Variants in ARSJ observed in about 807,000 individuals in gnomAD.
ARSJ encodes the protein arylsulfatase family member J, also known as arylsulfatase J.
A neutral mutation model predicts 35.9 loss-of-function variants in ARSJ; 26 were observed. The observed-to-expected ratio is 0.72, with a 90% CI of 0.53 to 1.00. ARSJ has a LOEUF of 1.00. Ranked by LOEUF, ARSJ falls within the 50% of genes least tolerant of loss-of-function variation. The probability of loss-of-function intolerance (pLI) is 0.00; values close to 1 mark genes in which losing one functional copy is unlikely to be tolerated. For missense variants in ARSJ, 667 were observed against 723.6 expected, an observed-to-expected ratio of 0.92 and a Z score of 0.90; for synonymous variants, 294 against 267.6, an observed-to-expected ratio of 1.10 and a Z score of -0.96.
At chr4:113,964,628 A>G (rs1726775539) in intron 1 of ARSJ, among the ~76,000 whole-genome samples, 2 of 152,112 alleles carry the variant, frequency 1.3e-5, no homozygotes, top group African/African-American at 2.4e-5. Context: ...AGTCATATGC[A>G]TATAGCAGGT....
intron 1 of ARSJ, chr4:113,971,077 A>G (rs191371277): frequency 3.3e-5 from 5 of 152,222 alleles, no homozygotes; most frequent in Non-Finnish European, 5.9e-5. Flanking sequence ...AAATGCCTCA[A>G]TGAGGTAACA....
At chr4:113,963,907 G>A (rs1191002380) in intron 1 of ARSJ, among the ~76,000 whole-genome samples, 1 of 151,988 alleles carries the variant, frequency 6.6e-6, no homozygotes, top group Non-Finnish European at 1.5e-5. Flanking sequence ...CTACATCATG[G>A]GTTTGAGGTG....
chr4:113,906,442 C>T (rs890747601), intron 1 of ARSJ, among the ~76,000 whole-genome samples: 3 of 152,318 alleles, frequency 2.0e-5, no homozygotes, highest in African/African-American at 7.2e-5. Flanking sequence ...TTCAGAGCTA[C>T]TAATCAACTA....
At chr4:113,945,575 T>C (rs1725426156) in intron 1 of ARSJ, among the ~76,000 whole-genome samples, 1 of 152,118 alleles carries the variant, frequency 6.6e-6, no homozygotes, top group South Asian at 2.1e-4. Flanking sequence ...GAATTGATCC[T>C]AAGACATTCA....
intron 1 of ARSJ, among the ~76,000 whole-genome samples, chr4:113,943,085 C>G (rs766184): frequency 0.5 from 75,376 of 151,902 alleles, 18,974 homozygotes; most frequent in African/African-American, 0.57. Flanking sequence ...TTTGGCCAAA[C>G]TACATCACTG....
At chr4:113,909,828 C>A (rs2149251157) in intron 1 of ARSJ, among the ~76,000 whole-genome samples, 1 of 152,260 alleles carries the variant, frequency 6.6e-6, no homozygotes, top group Admixed American at 6.5e-5. Context: ...GAGTCAAAGA[C>A]TACTGCTCAA....
intron 1 of ARSJ, among the ~76,000 whole-genome samples, chr4:113,930,116 G>C (rs558114294): frequency 6.6e-6 from 1 of 152,054 alleles, no homozygotes; most frequent in African/African-American, 2.4e-5. Context: ...AACCATCCCT[G>C]GTACCCAAAT....
intron 1 of ARSJ, among the ~76,000 whole-genome samples, chr4:113,927,382 T>A (rs1293640100): frequency 2.6e-5 from 4 of 152,198 alleles, no homozygotes; most frequent in Non-Finnish European, 5.9e-5. Context: ...TTGCTACCTC[T>A]TGTTCACTGG....
rs548369775 is a variant in ARSJ, at chr4:113,911,126, CAA to C, written c.399-7453_399-7452del. ...TCCAGGTGAAGAGTTGAAGGGAAGA[CAA>C]AGTGTTTCAGTGAGAGAAGCAGAAT... On this transcript the variant is annotated intron_variant, in intron 1 of 1. Transcript: ENST00000315366. Among the ~76,000 whole-genome samples, 296 of 152,214 alleles carry C rather than the reference CAA, an allele frequency of 1.9e-3. 2 individuals are homozygous for C. Among genetic ancestry groups the C allele is most frequent in the South Asian group, 8.9e-3 (43 of 4,824 alleles).
intron 1 of ARSJ, among the ~76,000 whole-genome samples, chr4:113,973,297 G>A (rs1394738468): frequency 6.6e-6 from 1 of 152,042 alleles, no homozygotes; most frequent in African/African-American, 2.4e-5. Context: ...TATTATCTAT[G>A]TTTTCAACTT....
intron 1 of ARSJ, among the ~76,000 whole-genome samples, chr4:113,926,079 T>C (rs1361316514): frequency 2.6e-5 from 4 of 152,146 alleles, no homozygotes; most frequent in Non-Finnish European, 4.4e-5. Context: ...GAATGGGCCA[T>C]CCTATCCCTT....
chr4:113,971,272 C>A (rs901011582), intron 1 of ARSJ, among the ~76,000 whole-genome samples: 1 of 152,058 alleles, frequency 6.6e-6, no homozygotes, highest in Non-Finnish European at 1.5e-5. Context: ...AAGGCAGGGG[C>A]CCTAGGTCTT....
At chr4:113,943,412 A>G (rs1429600958) in intron 1 of ARSJ, 1 of 152,084 alleles carries the variant, frequency 6.6e-6, no homozygotes, top group Non-Finnish European at 1.5e-5. Context: ...CCAACTGAGC[A>G]GAATTCCTCT....
In ARSJ at chr4:113,978,575, C is replaced by G; in HGVS notation, c.260G>C (p.Gly87Ala). The G allele has an allele frequency of 8.7e-6, 14 of 1,614,228 alleles. No individual in the cohort carries two copies. Among genetic ancestry groups the G allele is most frequent in the Non-Finnish European group, 9.3e-6 (11 of 1,180,036 alleles). The change falls in exon 1 of 2, where the codon GGA (glycine) becomes GCA (alanine). Residue 87 changes from glycine (G) to alanine (A), a missense_variant. Physicochemically the swap from Gly to Ala is moderately conservative, Grantham distance 60 (BLOSUM62 0). Transcript: ENST00000315366. ...TCCGTGGTAACCCACATCTCTAAAT[C>G]CCTGATCATCCGCTAGGATGAAAAT... The part of the protein sequence containing the change: ...HLIFILADDQ[G>A]FRDVGYHGSE...
chr4:113,934,553 G>A (rs763521898), intron 1 of ARSJ, among the ~76,000 whole-genome samples: 3 of 151,762 alleles, frequency 2.0e-5, no homozygotes, highest in Non-Finnish European at 4.4e-5. Flanking sequence ...TGAGATTGAA[G>A]TAGATTGGTG....
In ARSJ at chr4:113,935,963, T is replaced by C. The variant is rs137910510; in HGVS notation, c.399-32288A>G. 2.2e-3 allele frequency among the ~76,000 whole-genome samples: 329 copies of C among 152,102 alleles called. 3 individuals are homozygous for C. Among genetic ancestry groups the C allele is most frequent in the Non-Finnish European group, 1.2e-4 (8 of 67,918 alleles). On this transcript the variant is annotated intron_variant, in intron 1 of 1. Transcript: ENST00000315366. ...TTCAACAAATAAATGTATAAATATA[T>C]GCAGAAGTGAAGGTTGAATGTTAAA...
intron 1 of ARSJ, chr4:113,906,829 C>A: frequency 2.3e-6 from 1 of 435,074 alleles, no homozygotes; most frequent in Non-Finnish European, 4.6e-6. Flanking sequence ...TATATTTATT[C>A]AGCGATAGCT....
At chr4:113,930,387 C>T (rs1172954893) in intron 1 of ARSJ, among the ~76,000 whole-genome samples, 1 of 152,068 alleles carries the variant, frequency 6.6e-6, no homozygotes, top group African/African-American at 2.4e-5. Flanking sequence ...ATATTTGCTG[C>T]CAGCTGATTA....
intron 1 of ARSJ, among the ~76,000 whole-genome samples, chr4:113,960,115 T>A (rs1239815035): frequency 6.6e-6 from 1 of 152,058 alleles, no homozygotes. Flanking sequence ...GAAATAATAA[T>A]GAGACATGGA....
Sources: gnomAD v4.1 joint callset for allele counts (sites outside exome capture counted in the v4.1 genomes callset) on GRCh38, gnomAD v4.1.1 for gene constraint, MANE v1.5 for transcripts, NCBI Gene and HGNC (gene_info 2026-07-23, HGNC 2026-07-21) for gene names.